The following SLC25A31 variants were observed in gnomAD, a reference collection of about 807,000 sequenced individuals.
SLC25A31 encodes ADP/ATP translocase 4.
Under a neutral mutation model 36.2 loss-of-function variants are expected in SLC25A31, and 40 were observed. The observed-to-expected ratio is 1.10, with a 90% confidence interval of 0.86 to 1.44. The LOEUF (loss-of-function observed/expected upper bound fraction) is 1.44, where lower values mean the gene tolerates loss of function less well. SLC25A31 is among the 40% of genes most tolerant of loss of function. The pLI is 0.00. For synonymous variants in SLC25A31, 143 were observed against 149.7 expected, an observed-to-expected ratio of 0.96 and a Z score of 0.32; for missense variants, 350 against 397.1, an observed-to-expected ratio of 0.88 and a Z score of 1.01.
In SLC25A31 at chr4:127,744,689, C is replaced by T. The variant is rs369621147; in HGVS notation, c.250C>T (p.Arg84Cys). 2.0e-5 allele frequency: 32 copies of T among 1,596,564 alleles called. No homozygotes were observed. Among genetic ancestry groups the T allele is most frequent in the Middle Eastern group, 1.7e-4 (1 of 5,992 alleles). Residue 84 changes from arginine (R) to cysteine (C), a missense_variant, in exon 2 of 6, where the codon CGT becomes TGT. By Grantham distance (180) the Arg-to-Cys change is radical. Coordinates refer to ENST00000281154, the MANE Select transcript of SLC25A31 (RefSeq NM_031291.4). Reference sequence around the variant, plus strand: ...CTCTGTAGGTTTCTTCAGTTTTTGGCGTGGCAATTTGGCAAATGTTATTCG... The same window carrying T: ...CTCTGTAGGTTTCTTCAGTTTTTGGTGTGGCAATTTGGCAAATGTTATTCG... ...PREQGFFSFWRGNLANVIRYF... is the reference protein window; with the variant it reads ...PREQGFFSFWCGNLANVIRYF...
intron 4 of SLC25A31, 85 bp from the exon 5 acceptor site, chr4:127,768,667 A>G: frequency 8.3e-7 from 1 of 1,203,826 alleles, no homozygotes; most frequent in Middle Eastern, 2.9e-4. Context: ...CCTCTTTCAT[A>G]TATTTATAAA....
intron 1 of SLC25A31, among the ~76,000 whole-genome samples, chr4:127,738,516 C>G (rs957176429): frequency 2.6e-5 from 4 of 152,090 alleles, no homozygotes; most frequent in Non-Finnish European, 4.4e-5. Context: ...TGGAGACTTG[C>G]TTTATGGCTT....
chr4:127,740,865 G>T (rs1240515328), intron 1 of SLC25A31, among the ~76,000 whole-genome samples: 1 of 152,226 alleles, frequency 6.6e-6, no homozygotes, highest in Non-Finnish European at 1.5e-5. Flanking sequence ...AGAAAGGGTA[G>T]GGTGGCTCAG....
intron 1 of SLC25A31, among the ~76,000 whole-genome samples, chr4:127,731,827 T>C (rs1731533214): frequency 6.6e-6 from 1 of 152,126 alleles, no homozygotes; most frequent in South Asian, 2.1e-4. Flanking sequence ...CTTTAAACTA[T>C]TTTAATGCAA....
At chr4:127,757,424 A>G (rs952148712) in intron 2 of SLC25A31, among the ~76,000 whole-genome samples, 4 of 152,176 alleles carry the variant, frequency 2.6e-5, no homozygotes, top group Non-Finnish European at 5.9e-5. Context: ...ACTTAGGATA[A>G]TGGCCTCCAG....
At chr4:127,744,321 A>G (rs1731783838) in intron 1 of SLC25A31, among the ~76,000 whole-genome samples, 1 of 152,180 alleles carries the variant, frequency 6.6e-6, no homozygotes, top group Admixed American at 6.5e-5. Context: ...CCTTACCACC[A>G]TAGGTGTTAT....
chr4:127,746,140 T>C (rs1370535700), intron 2 of SLC25A31, among the ~76,000 whole-genome samples: 1 of 152,220 alleles, frequency 6.6e-6, no homozygotes, highest in Non-Finnish European at 1.5e-5. Context: ...CATGATTTTG[T>C]ACTTTTTTAT....
intron 2 of SLC25A31, among the ~76,000 whole-genome samples, chr4:127,757,507 T>C (rs1226034393): frequency 6.6e-6 from 1 of 152,228 alleles, no homozygotes; most frequent in Non-Finnish European, 1.5e-5. Context: ...GTGGTGTATA[T>C]GTACCACATT....
intron 2 of SLC25A31, among the ~76,000 whole-genome samples, chr4:127,760,866 C>T (rs1027432456): frequency 3.3e-5 from 5 of 152,116 alleles, no homozygotes; most frequent in Non-Finnish European, 2.9e-5. Flanking sequence ...GGTGAAACCC[C>T]GTCTCTACTA....
intron 5 of SLC25A31, among the ~76,000 whole-genome samples, chr4:127,773,058 C>G (rs770532875): frequency 2.0e-5 from 3 of 152,146 alleles, no homozygotes; most frequent in Non-Finnish European, 2.9e-5. Flanking sequence ...GCTGAGATTA[C>G]AGGCATGAGC....
At chr4:127,766,274 TCTC>T (rs1320436860) in intron 3 of SLC25A31, among the ~76,000 whole-genome samples, 1 of 151,854 alleles carries the variant, frequency 6.6e-6, no homozygotes, top group African/African-American at 2.4e-5. Flanking sequence ...TTCAAGCAGT[TCTC>T]CTGCCTCAGC....
chr4:127,759,180 C>A (rs1177357208), intron 2 of SLC25A31, among the ~76,000 whole-genome samples: 1 of 145,698 alleles, frequency 6.9e-6, no homozygotes, highest in Non-Finnish European at 1.5e-5. Flanking sequence ...TTGTAGGGAT[C>A]TTTCACCTTC....
chr4:127,748,347 G>A (rs570779294), intron 2 of SLC25A31, among the ~76,000 whole-genome samples: 61 of 152,114 alleles, frequency 4.0e-4, no homozygotes, highest in African/African-American at 1.3e-3. Context: ...TCATCTGTAC[G>A]TGACCCCAGA....
intron 1 of SLC25A31, among the ~76,000 whole-genome samples, chr4:127,739,490 A>G (rs1310108051): frequency 3.9e-5 from 6 of 152,128 alleles, no homozygotes; most frequent in African/African-American, 7.2e-5. Context: ...CTCTTTGTAC[A>G]TGATCTGACC....
intron 2 of SLC25A31, among the ~76,000 whole-genome samples, chr4:127,756,693 AT>A (rs1732036701): frequency 6.6e-6 from 1 of 152,230 alleles, no homozygotes; most frequent in African/African-American, 2.4e-5. Context: ...AATATATACA[AT>A]TATTTGTCAA....
chr4:127,764,193 A>G (rs1318227590), intron 2 of SLC25A31, 50 bp from the exon 3 acceptor site: 4 of 1,448,548 alleles, frequency 2.8e-6, no homozygotes, highest in Non-Finnish European at 3.8e-6. Flanking sequence ...GGTATTTTAA[A>G]CAGTTAGATT....
chr4:127,769,905 T>A (rs924958726), intron 5 of SLC25A31, among the ~76,000 whole-genome samples: 1 of 152,230 alleles, frequency 6.6e-6, no homozygotes, highest in African/African-American at 2.4e-5. Context: ...ATAAGTTTTA[T>A]GAGGGCAAGT....
intron 1 of SLC25A31, 49 bp from the exon 2 acceptor site, chr4:127,744,623 G>A (rs755975459): frequency 8.1e-6 from 12 of 1,489,474 alleles, no homozygotes; most frequent in Non-Finnish European, 1.1e-5. Flanking sequence ...TATGGCAATT[G>A]TTTAATAATA....
chr4:127,749,671 T>A (rs1176992764), intron 2 of SLC25A31, among the ~76,000 whole-genome samples: 1 of 145,910 alleles, frequency 6.9e-6, no homozygotes, highest in Non-Finnish European at 1.5e-5. Flanking sequence ...ATTGCACCAC[T>A]GCATTCCAGC....
Sources: allele counts gnomAD v4.1 joint callset (sites outside exome capture counted in the v4.1 genomes callset), GRCh38; gene constraint gnomAD v4.1.1; transcripts MANE v1.5; gene names NCBI Gene and HGNC (gene_info 2026-07-23, HGNC 2026-07-21).